Variants in FRMPD4 observed in about 807,000 individuals in gnomAD.
The protein encoded by FRMPD4 is FERM and PDZ domain containing 4.
FRMPD4 carries 22 observed loss-of-function variants against 94.1 expected under a neutral mutation model. That is an observed-to-expected ratio of 0.23 (90% CI 0.17 to 0.33). The LOEUF (loss-of-function observed/expected upper bound fraction) is 0.33, where lower values mean the gene tolerates loss of function less well. Among genes scored for constraint, FRMPD4 ranks in the 10% least tolerant of loss-of-function variants. The pLI is 1.00. For missense variants in FRMPD4, 1,111 were observed against 1,339.9 expected (o/e 0.83, Z 2.67); for synonymous variants, 631 against 548.6 (o/e 1.15, Z -2.10).
chrX:12,255,837 A>G (rs1306020319), intron 1 of FRMPD4, among the ~76,000 whole-genome samples: 1 of 111,876 alleles, frequency 8.9e-6, no homozygotes, highest in Admixed American at 9.5e-5. Flanking sequence ...TACAGTTTCT[A>G]GTTTCTTCAT....
At chrX:12,078,770 A>G (rs758439703) in intron 3 of FRMPD4, among the ~76,000 whole-genome samples, 1 of 111,582 alleles carries the variant, frequency 9.0e-6, no homozygotes, top group East Asian at 2.8e-4. Context: ...TAGGATGTTT[A>G]GTAACACCCC....
At chrX:12,165,538 T>G (rs959469838) in intron 1 of FRMPD4, among the ~76,000 whole-genome samples, 1 of 112,031 alleles carries the variant, frequency 8.9e-6, no homozygotes, top group Admixed American at 9.5e-5. Context: ...TGTAGGCTCT[T>G]TTTTGGTTCC....
Position 12,717,425 on chromosome X carries a change from G to A in FRMPD4, c.2675-76G>A. 3 of 669,110 alleles carry A rather than the reference G, an allele frequency of 4.5e-6. 1 individual carries two copies. The highest frequency in any genetic ancestry group is 5.4e-5 in the South Asian group (2 of 36,878). 55.1% of individuals were successfully genotyped at this position (669,110 alleles called of 1,213,427 possible). On this transcript the variant is annotated intron_variant, in intron 15 of 16. Transcript: ENST00000675598. The stretch of plus-strand genomic sequence containing the variant: ...CTTGGTATTTTGTTTTAGTAATAAC[G>A]AGTCCCATTTTCTTACATGTCTCCA...
chrX:12,706,873 C>T lies in FRMPD4; in HGVS notation c.1245C>T (p.Asp415=). Residue 415 remains aspartate (D), a synonymous_variant, in exon 12 of 17, where the codon GAC becomes GAT. Coordinates refer to ENST00000675598, the MANE Select transcript of FRMPD4 (RefSeq NM_001368397.1). ...TCCATTATCTCAAGTTCCTCAGTGA[C>T]CTACGATTGTATGGGGGCCGTGTGT... The part of the protein sequence containing the change: ...AKVHYLKFLS[D]LRLYGGRVFK... 8.5e-7 allele frequency: 1 copy of T among 1,177,660 alleles called. No individual in the cohort carries two copies. The highest frequency in any genetic ancestry group is 1.2e-6 in the Non-Finnish European group (1 of 867,599).
rs150991239 is a variant in FRMPD4, at chrX:12,017,826, C to G, written c.95+139808C>G. On this transcript the variant is annotated intron_variant, in intron 3 of 18. Transcript: ENST00000640291. ...CCTTGATTCTCTAGACTGAAAGGAG[C>G]TCAAGGGTTATTTTCAACATTTAAC... Among the ~76,000 whole-genome samples, 49 of 111,619 alleles carry G rather than the reference C, an allele frequency of 4.4e-4. No homozygotes were observed. In the East Asian group the frequency reaches 0.013, roughly 30 times the overall value.
chrX:12,089,995 TGAA>T (rs199924079), intron 3 of FRMPD4, among the ~76,000 whole-genome samples: 1,784 of 111,529 alleles, frequency 0.016, 10 homozygotes, highest in South Asian at 0.02. Context: ...TACAGGAATT[TGAA>T]GAAGTAGTCT....
intron 3 of FRMPD4, among the ~76,000 whole-genome samples, chrX:11,954,431 G>T (rs2054243372): frequency 8.9e-6 from 1 of 112,048 alleles, no homozygotes; most frequent in Non-Finnish European, 1.9e-5. Context: ...GAATTACACA[G>T]TAATGAGAGA....
intron 3 of FRMPD4, among the ~76,000 whole-genome samples, chrX:12,129,067 A>G (rs1389741135): frequency 9.0e-6 from 1 of 111,316 alleles, no homozygotes; most frequent in Non-Finnish European, 1.9e-5. Context: ...GAGCCCTCCA[A>G]ACTGTTCCAA....
At chrX:11,905,185 T>C (rs1569122443) in intron 3 of FRMPD4, among the ~76,000 whole-genome samples, 1 of 112,222 alleles carries the variant, frequency 8.9e-6, no homozygotes, top group Non-Finnish European at 1.9e-5. Flanking sequence ...ATCCAGGAAA[T>C]ACTTTATTGC....
At chrX:12,331,912 ATATATATATTTATATACTATATATAAAT>A (rs1569234461) in intron 1 of FRMPD4, among the ~76,000 whole-genome samples, 4 of 47,819 alleles carry the variant, frequency 8.4e-5, no homozygotes, top group South Asian at 1.2e-3. Context: ...CTATATATAA[ATATATATATTTATATACTATATATAAAT>A]TATATATATT....
At chrX:12,669,341 A>G (rs1357263399) in intron 4 of FRMPD4, among the ~76,000 whole-genome samples, 1 of 111,768 alleles carries the variant, frequency 8.9e-6, no homozygotes, top group Non-Finnish European at 1.9e-5. Flanking sequence ...ATCCTTCCCA[A>G]ACGAGCTCCC....
rs201822677 is a variant in FRMPD4, at chrX:12,705,816, G to T, written c.1198-1010G>T. The stretch of plus-strand genomic sequence containing the variant: ...CATTTATCCATCACTGTCCTTTAAA[G>T]GTTGTTTTTCTAGCCAAGAGTGAAT... On this transcript the variant is annotated intron_variant, in intron 11 of 16. Coordinates refer to ENST00000675598, the MANE Select transcript of FRMPD4 (RefSeq NM_001368397.1). 3.0e-4 allele frequency among the ~76,000 whole-genome samples: 33 copies of T among 111,834 alleles called. No homozygotes were observed. In the East Asian group the frequency reaches 8.1e-3, roughly 27 times the overall value.
At chrX:12,218,422 G>T (rs768275486) in intron 1 of FRMPD4, among the ~76,000 whole-genome samples, 9 of 111,662 alleles carry the variant, frequency 8.1e-5, no homozygotes, top group Non-Finnish European at 1.3e-4. Context: ...ATGACCTATT[G>T]TGCAAAGTAG....
chrX:12,506,774 G>A (rs759141934), intron 2 of FRMPD4, among the ~76,000 whole-genome samples: 1 of 112,351 alleles, frequency 8.9e-6, no homozygotes, highest in African/African-American at 3.2e-5. Flanking sequence ...ATTCTAATCA[G>A]AACAGTAGAA....
At chrX:12,348,609 A>AAT (rs2055752316) in intron 1 of FRMPD4, among the ~76,000 whole-genome samples, 1 of 109,593 alleles carries the variant, frequency 9.1e-6, no homozygotes, top group East Asian at 2.8e-4. Context: ...AAAAAAAAAA[A>AAT]GTGGACCTTG....
intron 1 of FRMPD4, among the ~76,000 whole-genome samples, chrX:12,251,350 C>T (rs1455796035): frequency 8.9e-6 from 1 of 112,110 alleles, no homozygotes; most frequent in Non-Finnish European, 1.9e-5. Flanking sequence ...CTGCTAGAAC[C>T]TACTTTGAAC....
At chrX:12,456,177 A>C (rs996591245) in intron 1 of FRMPD4, among the ~76,000 whole-genome samples, 4 of 112,297 alleles carry the variant, frequency 3.6e-5, no homozygotes, top group African/African-American at 1.3e-4. Flanking sequence ...TAATCTATGT[A>C]AATGCCAACT....
At chrX:12,284,460 G>A (rs1192511021) in intron 1 of FRMPD4, among the ~76,000 whole-genome samples, 27 of 111,466 alleles carry the variant, frequency 2.4e-4, no homozygotes, top group African/African-American at 1.3e-4. Context: ...ATGTGTTTGC[G>A]GAAGTGTAAG....
At chrX:11,865,287 C>T (rs1307783481) in intron 2 of FRMPD4, among the ~76,000 whole-genome samples, 1 of 111,705 alleles carries the variant, frequency 9.0e-6, no homozygotes, top group East Asian at 2.8e-4. Context: ...GACAACAGTG[C>T]CAGTCTGACC....
Sources: gnomAD v4.1 joint callset for allele counts (sites outside exome capture counted in the v4.1 genomes callset) on GRCh38, gnomAD v4.1.1 for gene constraint, MANE v1.5 for transcripts, NCBI Gene and HGNC (gene_info 2026-07-23, HGNC 2026-07-21) for gene names.